Variants in CTNNA3 observed in about 807,000 individuals in gnomAD.
CTNNA3 encodes catenin alpha-3.
A neutral mutation model predicts 95.7 loss-of-function variants in CTNNA3; 76 were observed. The observed-to-expected ratio is 0.79, with a 90% CI of 0.66 to 0.96. The LOEUF is 0.96. Ranked by LOEUF, CTNNA3 falls within the 40% of genes least tolerant of loss-of-function variation. The pLI is 0.00. For missense variants in CTNNA3, 1,191 were observed against 1,089.8 expected, an observed-to-expected ratio of 1.09 and a Z score of -1.31; for synonymous variants, 431 against 374.4, an observed-to-expected ratio of 1.15 and a Z score of -1.74.
chr10:66,658,608 A>C (rs897994177), intron 9 of CTNNA3, among the ~76,000 whole-genome samples: 1 of 152,200 alleles, frequency 6.6e-6, no homozygotes, highest in Non-Finnish European at 1.5e-5. Flanking sequence ...ATGCAAACAC[A>C]AAAGAAGTAA....
Position 67,742,925 on chromosome 10 carries a change from G to A in CTNNA3, c.-2+20509C>T, listed in dbSNP as rs1444196658. ...AGAAGAAATGGATAAATTCCTCTAC[G>A]CATATATCCTCCCAAGACTAAACCA... On this transcript the variant is annotated intron_variant, in intron 1 of 17. Transcript: ENST00000684154. 4.6e-5 allele frequency among the ~76,000 whole-genome samples: 7 copies of A among 151,112 alleles called. 1 individual carries two copies. The highest frequency in any genetic ancestry group is 9.7e-5 in the African/African-American group (4 of 41,348).
At chr10:67,744,295 C>T (rs1841360821) in intron 1 of CTNNA3, among the ~76,000 whole-genome samples, 2 of 151,012 alleles carry the variant, frequency 1.3e-5, no homozygotes, top group Non-Finnish European at 1.5e-5. Context: ...GTACTGGTAC[C>T]AAAACAGAGA....
At chr10:66,953,852 A>G (rs188132757) in intron 7 of CTNNA3, among the ~76,000 whole-genome samples, 6 of 152,164 alleles carry the variant, frequency 3.9e-5, no homozygotes, top group African/African-American at 1.4e-4. Flanking sequence ...TCAAATCTCA[A>G]CCAGAAGAGC....
At chr10:66,446,970 A>C (rs965934348) in intron 11 of CTNNA3, among the ~76,000 whole-genome samples, 2 of 151,878 alleles carry the variant, frequency 1.3e-5, no homozygotes. Context: ...AAGCAACTTC[A>C]GCAAAGTCTC....
chr10:67,702,990 A>G (rs912291561), intron 1 of CTNNA3, among the ~76,000 whole-genome samples: 2 of 152,258 alleles, frequency 1.3e-5, no homozygotes, highest in African/African-American at 4.8e-5. Context: ...AGAGAATACT[A>G]CAAACACCTC....
intron 15 of CTNNA3, among the ~76,000 whole-genome samples, chr10:66,015,576 A>G (rs755017238): frequency 2.6e-5 from 4 of 152,162 alleles, no homozygotes; most frequent in Admixed American, 6.6e-5. Context: ...TGGTCTTTCC[A>G]TAGAAAAAGT....
chr10:66,414,141 T>C (rs763026489), intron 11 of CTNNA3, among the ~76,000 whole-genome samples: 3 of 152,152 alleles, frequency 2.0e-5, no homozygotes, highest in Non-Finnish European at 2.9e-5. Context: ...TATTAGTATG[T>C]TTAAAACAAA....
intron 11 of CTNNA3, among the ~76,000 whole-genome samples, chr10:66,462,993 G>T (rs72791562): frequency 4.6e-5 from 7 of 152,064 alleles, no homozygotes; most frequent in African/African-American, 1.7e-4. Flanking sequence ...AGGAATGAAC[G>T]ATAGGCAGTT....
chr10:67,512,151 A>G (rs1839657229), intron 5 of CTNNA3, among the ~76,000 whole-genome samples: 1 of 152,170 alleles, frequency 6.6e-6, no homozygotes, highest in Non-Finnish European at 1.5e-5. Flanking sequence ...CATCAGAGTA[A>G]TGCAAATCAA....
chr10:66,542,355 G>C (rs530985162), intron 10 of CTNNA3, among the ~76,000 whole-genome samples: 1 of 152,194 alleles, frequency 6.6e-6, no homozygotes, highest in Non-Finnish European at 1.5e-5. Context: ...TCTAGAACTA[G>C]AAATACCATT....
chr10:67,237,456 G>A (rs1299630560), intron 5 of CTNNA3, among the ~76,000 whole-genome samples: 1 of 151,510 alleles, frequency 6.6e-6, no homozygotes. Context: ...GATGATGGGT[G>A]CACCAAAATT....
At chr10:67,202,070 C>T (rs1307389027) in intron 6 of CTNNA3, among the ~76,000 whole-genome samples, 2 of 152,172 alleles carry the variant, frequency 1.3e-5, no homozygotes, top group Admixed American at 1.3e-4. Flanking sequence ...ATAGTATCTT[C>T]ATCAAAAATT....
chr10:67,648,595 G>T, intron 1 of CTNNA3: 4 of 604,542 alleles, frequency 6.6e-6, no homozygotes, highest in Non-Finnish European at 7.4e-6. Flanking sequence ...GAAAGATTTT[G>T]CCTTGAAAAA....
chr10:67,483,774 A>AT (rs201826800), intron 5 of CTNNA3, among the ~76,000 whole-genome samples: 105 of 145,834 alleles, frequency 7.2e-4, no homozygotes, highest in African/African-American at 2.6e-3. Context: ...AAAAATAAAA[A>AT]TTAAAAAAAA....
intron 13 of CTNNA3, among the ~76,000 whole-genome samples, chr10:66,136,251 A>G (rs1204384703): frequency 2.0e-5 from 3 of 152,250 alleles, no homozygotes; most frequent in African/African-American, 7.2e-5. Flanking sequence ...TGTAAACTGC[A>G]TATAATAAAT....
chr10:66,410,060 A>C (rs545547521), intron 11 of CTNNA3, among the ~76,000 whole-genome samples: 19 of 152,258 alleles, frequency 1.2e-4, no homozygotes, highest in Non-Finnish European at 2.1e-4. Context: ...AGCAATAAAC[A>C]TCCAGACAAA....
intron 7 of CTNNA3, among the ~76,000 whole-genome samples, chr10:66,815,677 C>T (rs566855515): frequency 2.6e-5 from 4 of 152,156 alleles, no homozygotes; most frequent in Non-Finnish European, 5.9e-5. Flanking sequence ...ATCCAAAAAG[C>T]TTGTAAATAA....
Position 65,914,477 on chromosome 10 carries a change from A to C in CTNNA3, c.*5853T>G, listed in dbSNP as rs1589124122. 6.6e-6 allele frequency: 1 copy of C among 152,110 alleles called. No homozygotes were observed. 9.4% of individuals were successfully genotyped at this position (152,110 alleles called of 1,614,324 possible). A position where few individuals can be genotyped will look rare whatever the true frequency, so the allele number is the denominator to read the frequency against. On this transcript the variant is annotated 3_prime_UTR_variant, in exon 18 of 18. Coordinates refer to ENST00000433211, the MANE Select transcript of CTNNA3 (RefSeq NM_013266.4). ...AAAGGCCATGTAATTTTAAAACACA[A>C]AGTTTACCTGTATTCAGGCACATAC...
At chr10:66,605,428 G>T (rs1015146654) in intron 10 of CTNNA3, among the ~76,000 whole-genome samples, 1 of 152,086 alleles carries the variant, frequency 6.6e-6, no homozygotes, top group African/African-American at 2.4e-5. Flanking sequence ...TAGCTAGAGA[G>T]GCCAACATTC....
Sources: allele counts gnomAD v4.1 joint callset (sites outside exome capture counted in the v4.1 genomes callset), GRCh38; gene constraint gnomAD v4.1.1; transcripts MANE v1.5; gene names NCBI Gene and HGNC (gene_info 2026-07-23, HGNC 2026-07-21).